The following MBOAT2 variants were observed in gnomAD, a reference collection of about 807,000 sequenced individuals.
The protein encoded by MBOAT2 is membrane bound glycerophospholipid O-acyltransferase 2, also known as membrane-bound glycerophospholipid O-acyltransferase 2.
A neutral mutation model predicts 63.4 loss-of-function variants in MBOAT2; 28 were observed. The observed-to-expected ratio is 0.44, with a 90% CI of 0.33 to 0.61. MBOAT2 has a LOEUF of 0.61. Ranked by LOEUF, MBOAT2 falls within the 20% of genes least tolerant of loss-of-function variation. The pLI is 0.03. For missense variants in MBOAT2, 470 were observed against 605.8 expected (o/e 0.78, Z 2.35); for synonymous variants, 211 against 215.6 (o/e 0.98, Z 0.19).
chr2:9,002,608 C>A (rs1487676748), intron 1 of MBOAT2, among the ~76,000 whole-genome samples: 2 of 152,002 alleles, frequency 1.3e-5, no homozygotes, highest in Non-Finnish European at 2.9e-5. Flanking sequence ...TAACTATACA[C>A]CCCCGCCCCC....
intron 4 of MBOAT2, chr2:8,908,175 A>T (rs966712945): frequency 1.3e-5 from 2 of 152,668 alleles, no homozygotes. Context: ...ACAGACATAT[A>T]ATCAGTTTTG....
At chr2:8,892,299 T>C (rs1458869117) in intron 4 of MBOAT2, among the ~76,000 whole-genome samples, 1 of 152,138 alleles carries the variant, frequency 6.6e-6, no homozygotes, top group Non-Finnish European at 1.5e-5. Flanking sequence ...CTGTTAACTG[T>C]TCACCTCAGT....
At chr2:8,868,379 A>G (rs934192418) in intron 9 of MBOAT2, 67 bp downstream of exon 9, 10 of 1,358,690 alleles carry the variant, frequency 7.4e-6, no homozygotes, top group Non-Finnish European at 9.4e-6. Context: ...ACATCACACC[A>G]TAACTTATGA....
intron 3 of MBOAT2, among the ~76,000 whole-genome samples, chr2:8,942,331 T>C (rs911364555): frequency 6.6e-6 from 1 of 152,184 alleles, no homozygotes; most frequent in African/African-American, 2.4e-5. Context: ...AGAAATATGG[T>C]ACCTAGGTCA....
chr2:8,975,582 A>C (rs2103322030), intron 1 of MBOAT2, among the ~76,000 whole-genome samples: 1 of 152,196 alleles, frequency 6.6e-6, no homozygotes, highest in African/African-American at 2.4e-5. Flanking sequence ...GCTCATATTT[A>C]TCTTCCATCT....
rs977155174 is a variant in MBOAT2, at chr2:8,856,162, A to C, written c.*2517T>G. On this transcript the variant is annotated 3_prime_UTR_variant, in exon 13 of 13. Coordinates refer to ENST00000305997, the MANE Select transcript of MBOAT2 (RefSeq NM_138799.4). The surrounding 1 kb of genome is among the most constrained non-coding windows in gnomAD (Gnocchi z 4.2). The stretch of plus-strand genomic sequence containing the variant: ...CTTCGAAGGAACCAGAAAACCAATC[A>C]AATATCTTGCTTTCTAGATGACAGT... The C allele has an allele frequency of 6.6e-6, 1 of 152,218 alleles. No individual in the cohort carries two copies. The highest frequency in any genetic ancestry group is 1.5e-5 in the Non-Finnish European group (1 of 68,036). The allele number at this position is 152,218 out of a possible 1,614,324, so 9.4% of individuals were successfully genotyped here.
intron 1 of MBOAT2, among the ~76,000 whole-genome samples, chr2:8,998,947 T>G (rs1008443491): frequency 2.6e-5 from 4 of 152,236 alleles, no homozygotes; most frequent in South Asian, 2.1e-4. Flanking sequence ...GGTCTTGAAC[T>G]TTATCTGACT....
Position 8,881,172 on chromosome 2 carries a change from G to A in MBOAT2, c.506+1339C>T, listed in dbSNP as rs1201740624. Among the ~76,000 whole-genome samples the A allele has an allele frequency of 2.6e-5, 4 of 152,204 alleles. No individual in the cohort carries two copies. The East Asian group carries it at 7.7e-4, about 29-fold the overall frequency. On this transcript the variant is annotated intron_variant, in intron 6 of 12. Coordinates refer to ENST00000305997, the MANE Select transcript of MBOAT2 (RefSeq NM_138799.4). ...GAAGCTGGCCTTCGATTAGATGATG[G>A]ACAGCTAGTACTTGACACCAGGAAA...
At chr2:8,860,791 C>T in intron 11 of MBOAT2, 27 bp from the exon 12 acceptor site, 2 of 1,522,390 alleles carry the variant, frequency 1.3e-6, no homozygotes, top group Non-Finnish European at 1.8e-6. Context: ...AAAACATTTG[C>T]TGTATCTTTA....
At position 8,860,699 on chromosome 2, in the gene MBOAT2, T is replaced by C. The variant is rs1282556293; in HGVS notation, c.1251A>G (p.Ile417Met). ...TTGCTACTTGAGTTACTATCCATGT[T>C]ATAACATCATAAAATAATTTCAGTT... ...PSQLKLFYDV[I>M]TWIVTQVAIS... The change falls in exon 12 of 13, where the codon ATA (isoleucine) becomes ATG (methionine). Residue 417 changes from isoleucine to methionine, a missense_variant. Coordinates refer to ENST00000305997, the MANE Select transcript of MBOAT2 (RefSeq NM_138799.4). The C allele has an allele frequency of 1.2e-6, 2 of 1,608,410 alleles. No individual in the cohort carries two copies. The highest frequency in any genetic ancestry group is 1.7e-5 in the Admixed American group (1 of 59,814).
intron 1 of MBOAT2, chr2:8,974,567 C>G (rs1670685558): frequency 2.8e-6 from 1 of 358,402 alleles, no homozygotes; most frequent in Non-Finnish European, 5.7e-6. Flanking sequence ...ACAGACGTCT[C>G]CAGCGGAATA....
chr2:8,979,576 T>C (rs1369680520), intron 1 of MBOAT2, among the ~76,000 whole-genome samples: 1 of 152,162 alleles, frequency 6.6e-6, no homozygotes, highest in East Asian at 1.9e-4. Flanking sequence ...GTTAAGATAC[T>C]TGCAAGCTCA....
chr2:8,860,560 T>C (rs1331467848), intron 12 of MBOAT2, 53 bp downstream of exon 12: 2 of 1,564,426 alleles, frequency 1.3e-6, no homozygotes, highest in South Asian at 1.2e-5. Flanking sequence ...CAAGAAACTT[T>C]CTTTTGAAAA....
intron 4 of MBOAT2, among the ~76,000 whole-genome samples, chr2:8,890,930 T>C (rs1558578976): frequency 2.0e-5 from 3 of 152,254 alleles, no homozygotes; most frequent in African/African-American, 7.2e-5. Context: ...TTCTCATCTG[T>C]GCTTGAAAGC....
At chr2:8,919,438 T>C (rs544699579) in intron 3 of MBOAT2, among the ~76,000 whole-genome samples, 1 of 152,344 alleles carries the variant, frequency 6.6e-6, no homozygotes, top group African/African-American at 2.4e-5. Flanking sequence ...GTTGTTATTA[T>C]ATAAAATAGT....
In MBOAT2 at chr2:8,936,610, C is replaced by T. The variant is rs527540302; in HGVS notation, c.299+6577G>A. Among the ~76,000 whole-genome samples the T allele has an allele frequency of 2.0e-5, 3 of 151,754 alleles. No homozygotes were observed. The South Asian group carries it at 6.3e-4, about 32-fold the overall frequency. On this transcript the variant is annotated intron_variant, in intron 3 of 12. Transcript: ENST00000305997. ...CAGCCTGGCCAATATGGTGAAACCC[C>T]GTCTCTACTAAAAACACAAAAATTA...
chr2:8,932,884 C>T (rs1437703764), intron 3 of MBOAT2, among the ~76,000 whole-genome samples: 1 of 152,160 alleles, frequency 6.6e-6, no homozygotes, highest in East Asian at 1.9e-4. Context: ...AGAACGTGCA[C>T]ATGTCAAGTC....
At chr2:8,965,073 A>G (rs892200879) in intron 1 of MBOAT2, among the ~76,000 whole-genome samples, 2 of 152,092 alleles carry the variant, frequency 1.3e-5, no homozygotes, top group African/African-American at 4.8e-5. Flanking sequence ...TGAGCTCTTT[A>G]GCTTTTTATT....
In MBOAT2 at chr2:8,908,720, CAAAACA is replaced by C; in HGVS notation, c.300-10_300-5del. 6.3e-7 allele frequency: 1 copy of C among 1,579,342 alleles called. No homozygotes were observed. Among genetic ancestry groups the C allele is most frequent in the South Asian group, 1.1e-5 (1 of 88,428 alleles). On this transcript the variant is annotated splice_region_variant and splice_polypyrimidine_tract_variant and intron_variant, in intron 3 of 12. Coordinates refer to ENST00000305997, the MANE Select transcript of MBOAT2 (RefSeq NM_138799.4). ...CAGAGCAAACACAAAGCAGTAACTG[CAAAACA>C]AAAATAAGCTACATTAATGAAAATA...
Sources: gnomAD v4.1 joint callset for allele counts (sites outside exome capture counted in the v4.1 genomes callset) on GRCh38, gnomAD v4.1.1 for gene constraint, Gnocchi (gnomAD v3.1) non-coding constraint, MANE v1.5 for transcripts, NCBI Gene and HGNC (gene_info 2026-07-23, HGNC 2026-07-21) for gene names.